The following GSK3B variants were observed in gnomAD, a reference collection of about 807,000 sequenced individuals.
GSK3B encodes glycogen synthase kinase-3 beta.
A neutral mutation model predicts 56.4 loss-of-function variants in GSK3B; 15 were observed. That is an observed-to-expected ratio of 0.27 (90% CI 0.18 to 0.41). The LOEUF is 0.41. Ranked by LOEUF, GSK3B falls within the 10% of genes least tolerant of loss-of-function variation. GSK3B has a pLI of 1.00. For missense variants in GSK3B, 300 were observed against 513.4 expected (o/e 0.58, Z 4.02); for synonymous variants, 181 against 188.9 (o/e 0.96, Z 0.34).
At chr3:119,945,359 A>G (rs1213750884) in intron 3 of GSK3B, among the ~76,000 whole-genome samples, 1 of 152,168 alleles carries the variant, frequency 6.6e-6, no homozygotes, top group Non-Finnish European at 1.5e-5. Context: ...CATAAAGAAA[A>G]TATTAGGTCT....
At chr3:120,016,673 A>G (rs2057830375) in intron 1 of GSK3B, among the ~76,000 whole-genome samples, 1 of 152,102 alleles carries the variant, frequency 6.6e-6, no homozygotes, top group African/African-American at 2.4e-5. Context: ...AAATATCCAT[A>G]CTTCTTCTGA....
At chr3:119,907,682 C>T (rs770412615) in intron 6 of GSK3B, among the ~76,000 whole-genome samples, 2 of 152,088 alleles carry the variant, frequency 1.3e-5, no homozygotes, top group Admixed American at 6.6e-5. Flanking sequence ...ATATTTAACT[C>T]GGGTTCATGT....
chr3:120,005,938 A>C (rs1239315033), intron 1 of GSK3B, among the ~76,000 whole-genome samples: 1 of 152,180 alleles, frequency 6.6e-6, no homozygotes, highest in Non-Finnish European at 1.5e-5. Flanking sequence ...ATTAACCTTA[A>C]ATGTAAATGG....
At chr3:119,988,301 A>C (rs2057534527) in intron 2 of GSK3B, among the ~76,000 whole-genome samples, 1 of 152,156 alleles carries the variant, frequency 6.6e-6, no homozygotes, top group South Asian at 2.1e-4. Context: ...TTTTCTTTTG[A>C]GCTATTAACA....
intron 1 of GSK3B, among the ~76,000 whole-genome samples, chr3:120,061,817 C>T (rs2058239071): frequency 1.3e-5 from 2 of 152,308 alleles, no homozygotes; most frequent in Non-Finnish European, 2.9e-5. Context: ...ACCGCAACCT[C>T]GGGGTCCTGA....
chr3:119,889,075 A>G (rs2056472304), intron 7 of GSK3B, among the ~76,000 whole-genome samples: 1 of 152,098 alleles, frequency 6.6e-6, no homozygotes, highest in Non-Finnish European at 1.5e-5. Flanking sequence ...TTTCCTCACA[A>G]GCATGTGATC....
chr3:119,975,892 C>T (rs922825952), intron 2 of GSK3B, among the ~76,000 whole-genome samples: 1 of 152,174 alleles, frequency 6.6e-6, no homozygotes, highest in Non-Finnish European at 1.5e-5. Context: ...GTACTTTCCA[C>T]TCACTTTTCT....
chr3:120,074,131 A>T (rs995217290), intron 1 of GSK3B, among the ~76,000 whole-genome samples: 4 of 151,638 alleles, frequency 2.6e-5, no homozygotes, highest in African/African-American at 9.7e-5. Context: ...ATGGTGAAAC[A>T]CTCTCTCTAC....
intron 1 of GSK3B, among the ~76,000 whole-genome samples, chr3:120,009,409 A>G (rs1036980974): frequency 6.6e-6 from 1 of 152,196 alleles, no homozygotes; most frequent in Non-Finnish European, 1.5e-5. Flanking sequence ...CACTATTCAC[A>G]ATAGCAAAGA....
chr3:119,823,039 T>G lies in GSK3B; in HGVS notation c.*3749A>C. The G allele has an allele frequency of 4.4e-6, 1 of 229,710 alleles. No homozygotes were observed. Among genetic ancestry groups the G allele is most frequent in the Non-Finnish European group, 8.6e-6 (1 of 115,882 alleles). The allele number at this position is 229,710 out of a possible 1,614,324, so 14.2% of individuals were successfully genotyped here. On this transcript the variant is annotated 3_prime_UTR_variant, in exon 11 of 11. Coordinates refer to ENST00000264235, the MANE Select transcript of GSK3B (RefSeq NM_001146156.2). ...ATAAACCAAAAATGTGTCTAAAAAT[T>G]AAGAGGACTTAAAAAAAATGACACA...
intron 1 of GSK3B, among the ~76,000 whole-genome samples, chr3:120,030,527 T>C (rs2057966766): frequency 6.6e-6 from 1 of 152,198 alleles, no homozygotes; most frequent in Non-Finnish European, 1.5e-5. Flanking sequence ...CATTATTCCC[T>C]TGCTCACAAT....
At position 119,822,962 on chromosome 3, in the gene GSK3B, ACCT is replaced by A; in HGVS notation, c.*3823_*3825del. On this transcript the variant is annotated 3_prime_UTR_variant, in exon 11 of 11. Transcript: ENST00000264235. ...GGGATAGAGAATACTCCTCTCAGAAACCTTTGCATTGGTGCAGACAAGATGACT... is the reference window on the plus strand; with the variant it reads ...GGGATAGAGAATACTCCTCTCAGAAATTGCATTGGTGCAGACAAGATGACT... 1 of 229,284 alleles carries A rather than the reference ACCT, an allele frequency of 4.4e-6. No homozygotes were observed. Among genetic ancestry groups the A allele is most frequent in the Admixed American group, 5.7e-5 (1 of 17,642 alleles). 14.2% of individuals were successfully genotyped at this position (229,284 alleles called of 1,614,324 possible). A position where few individuals can be genotyped will look rare whatever the true frequency, so the allele number is the denominator to read the frequency against.
intron 1 of GSK3B, among the ~76,000 whole-genome samples, chr3:120,081,490 T>C (rs2058419489): frequency 6.6e-6 from 1 of 152,152 alleles, no homozygotes; most frequent in African/African-American, 2.4e-5. Flanking sequence ...GAGGTTGCAG[T>C]GAGCCAAGAT....
intron 8 of GSK3B, among the ~76,000 whole-genome samples, chr3:119,868,671 C>G (rs1403063810): frequency 6.6e-6 from 1 of 152,200 alleles, no homozygotes; most frequent in Admixed American, 6.5e-5. Flanking sequence ...GATAATTAAT[C>G]TAACAGAACA....
chr3:119,940,387 T>C (rs2057036873), intron 3 of GSK3B, among the ~76,000 whole-genome samples: 1 of 152,066 alleles, frequency 6.6e-6, no homozygotes. Context: ...TCTTTCTTTC[T>C]TTCATCCCTT....
At chr3:119,898,278 C>T (rs1185692919) in intron 7 of GSK3B, among the ~76,000 whole-genome samples, 1 of 152,138 alleles carries the variant, frequency 6.6e-6, no homozygotes, top group Non-Finnish European at 1.5e-5. Flanking sequence ...ATCTGTGCTG[C>T]TTTCCCAGTA....
At chr3:119,963,368 C>T (rs1428880758) in intron 2 of GSK3B, among the ~76,000 whole-genome samples, 5 of 151,722 alleles carry the variant, frequency 3.3e-5, no homozygotes, top group African/African-American at 1.2e-4. Context: ...TCACAAAAGA[C>T]CTCAAATATT....
At chr3:120,067,927 G>A (rs2058293542) in intron 1 of GSK3B, among the ~76,000 whole-genome samples, 1 of 152,178 alleles carries the variant, frequency 6.6e-6, no homozygotes, top group South Asian at 2.1e-4. Context: ...GGGAAAAAAA[G>A]ATACAATCAC....
At chr3:120,071,118 T>G (rs1447657229) in intron 1 of GSK3B, among the ~76,000 whole-genome samples, 2 of 152,218 alleles carry the variant, frequency 1.3e-5, no homozygotes, top group African/African-American at 4.8e-5. Context: ...TTTCCTAAAC[T>G]TTGGCCACAG....
Sources: gnomAD v4.1 joint callset for allele counts (sites outside exome capture counted in the v4.1 genomes callset) on GRCh38, gnomAD v4.1.1 for gene constraint, MANE v1.5 for transcripts, NCBI Gene and HGNC (gene_info 2026-07-23, HGNC 2026-07-21) for gene names.